ADGRD2: variants seen among roughly 807,000 people sequenced by gnomAD.
ADGRD2 encodes the protein adhesion G protein-coupled receptor D2, also known as G protein-coupled receptor PGR24.
ADGRD2 carries 71 observed loss-of-function variants against 44.4 expected under a neutral mutation model. That is an observed-to-expected ratio of 1.60 (90% confidence interval 1.32 to 1.95). The LOEUF is 1.95. ADGRD2 is among the 30% of genes most tolerant of loss of function. The pLI is 0.00. For missense variants in ADGRD2, 1,039 were observed against 512.4 expected, an observed-to-expected ratio of 2.03 and a Z score of -9.92; for synonymous variants, 481 against 224.8, an observed-to-expected ratio of 2.14 and a Z score of -10.19.
At chr9:124,476,732 T>A in intron 21 of ADGRD2, 23 bp downstream of exon 24, 1 of 695,162 alleles carries the variant, frequency 1.4e-6, no homozygotes, top group South Asian at 1.5e-5. Context: ...CCTCACGGGG[T>A]CCCCTCTTTT....
intron 20 of ADGRD2, 28 bp from the exon 24 acceptor site, chr9:124,476,651 A>G: frequency 1.4e-6 from 1 of 699,238 alleles, no homozygotes; most frequent in Non-Finnish European, 2.6e-6. Context: ...AGTGGGGGCC[A>G]CCCCCGTGAC....
chr9:124,457,540 G>A, exon 8 of ADGRD2: 1 of 689,640 alleles, frequency 1.5e-6, no homozygotes, highest in Non-Finnish European at 2.6e-6. Flanking sequence ...AATGCCTGGT[G>A]GGCGTCCAGA....
rs575892742 is a variant in ADGRD2, at chr9:124,453,687, C to T, written c.923+11C>T. 1.5e-6 allele frequency: 1 copy of T among 682,648 alleles called. No homozygotes were observed. The highest frequency in any genetic ancestry group is 2.1e-5 in the Admixed American group (1 of 47,404). 42.3% of individuals were successfully genotyped at this position (682,648 alleles called of 1,614,324 possible). On this transcript the variant is annotated intron_variant, in intron 3 of 21. Transcript: ENST00000334810. ...GCCTTCTCTGTCCCGGTACGACCCG[C>T]CCCGCCCCGGCCCCACCCCATGGCC...
chr9:124,461,294 G>A (rs1831718659), intron 10 of ADGRD2, among the ~76,000 whole-genome samples: 1 of 152,130 alleles, frequency 6.6e-6, no homozygotes, highest in African/African-American at 2.4e-5. Context: ...TTTTAATTGT[G>A]ATGAAGTCCA....
chr9:124,474,276 CAAAAAAAAAAA>C (rs397947760), intron 17 of ADGRD2, among the ~76,000 whole-genome samples: 2 of 80,646 alleles, frequency 2.5e-5, no homozygotes, highest in Middle Eastern at 8.2e-3. Flanking sequence ...AACTCTGTCT[CAAAAAAAAAAA>C]AAAAAAAAAA....
chr9:124,458,030 G>C, intron 8 of ADGRD2, 83 bp from the exon 12 acceptor site: 1 of 702,494 alleles, frequency 1.4e-6, no homozygotes, highest in Non-Finnish European at 2.7e-6. Flanking sequence ...TCTCTAGAGT[G>C]GGGAGAGCAT....
intron 17 of ADGRD2, among the ~76,000 whole-genome samples, chr9:124,474,721 C>A (rs936506955): frequency 6.6e-6 from 1 of 152,200 alleles, no homozygotes; most frequent in Non-Finnish European, 1.5e-5. Context: ...CACACTGGAG[C>A]TTAGGATCCA....
chr9:124,463,422 G>T lies in ADGRD2; in HGVS notation c.1871-2836G>T, dbSNP rs115328594. Among the ~76,000 whole-genome samples, 332 of 152,276 alleles carry T rather than the reference G, an allele frequency of 2.2e-3. 2 individuals are homozygous for T. The highest frequency in any genetic ancestry group is 7.9e-3 in the African/African-American group (327 of 41,564). ...TGAGGATTTTTATGTTTATGTTCATGAATAATGTGTTCTGTAGTTTCTTGT... is the reference window on the plus strand; with the variant it reads ...TGAGGATTTTTATGTTTATGTTCATTAATAATGTGTTCTGTAGTTTCTTGT... On this transcript the variant is annotated intron_variant, in intron 10 of 21. Coordinates refer to ENST00000334810, the Ensembl canonical transcript of ADGRD2.
intron 10 of ADGRD2, among the ~76,000 whole-genome samples, chr9:124,459,426 G>A (rs561472075): frequency 2.6e-5 from 4 of 152,104 alleles, no homozygotes; most frequent in South Asian, 2.1e-4. Flanking sequence ...CCCAGGAGGC[G>A]GAGGTTGTAG....
In ADGRD2 at chr9:124,452,740, G is replaced by C; in HGVS notation, c.281+18G>C. 1.4e-6 allele frequency: 1 copy of C among 703,162 alleles called. No individual in the cohort carries two copies. The highest frequency in any genetic ancestry group is 2.6e-6 in the Non-Finnish European group (1 of 379,428). 43.6% of individuals were successfully genotyped at this position (703,162 alleles called of 1,614,324 possible). A position where few individuals can be genotyped will look rare whatever the true frequency, so the allele number is the denominator to read the frequency against. ...ACAGAGGCGTGAGTGTGGGCCCCTG[G>C]GAAATGGGAGCAAGGGGCAGAGGCT... On this transcript the variant is annotated intron_variant, in intron 2 of 21. Coordinates refer to ENST00000334810, the Ensembl canonical transcript of ADGRD2.
chr9:124,472,723 G>T (rs928212068), intron 17 of ADGRD2, among the ~76,000 whole-genome samples: 1 of 152,124 alleles, frequency 6.6e-6, no homozygotes, highest in Non-Finnish European at 1.5e-5. Context: ...GCCCAGGTTG[G>T]TCTTGAACTC....
At chr9:124,458,652 C>T (rs1186260584) in exon 10 of ADGRD2, 2 of 718,752 alleles carry the variant, frequency 2.8e-6, no homozygotes, top group South Asian at 1.5e-5. Context: ...CCATCATCTC[C>T]TCTGAAGTGT....
exon 3 of ADGRD2, chr9:124,453,305 G>T: frequency 2.1e-6 from 1 of 483,906 alleles, no homozygotes; most frequent in African/African-American, 2.1e-5. Flanking sequence ...GCAGCCTTCC[G>T]CGCCGACGGC....
chr9:124,461,722 CTTTGT>C (rs754805089), intron 10 of ADGRD2, among the ~76,000 whole-genome samples: 8 of 81,396 alleles, frequency 9.8e-5, no homozygotes, highest in African/African-American at 1.5e-4. Flanking sequence ...TATCTTCCAA[CTTTGT>C]TTTTTTTTTT....
chr9:124,451,104 G>A (rs1336193115), upstream of ADGRD2: 1 of 472,160 alleles, frequency 2.1e-6, no homozygotes, highest in Non-Finnish European at 4.4e-6. Flanking sequence ...CAGGCAGGAG[G>A]GATGGCATGG....
chr9:124,477,093 C>G (rs545981414), intron 21 of ADGRD2: 27 of 507,788 alleles, frequency 5.3e-5, no homozygotes, highest in Admixed American at 5.3e-4. Context: ...CTGAAGGCCC[C>G]GGCCTGATGC....
At chr9:124,465,066 C>G (rs538527218) in intron 10 of ADGRD2, 1 of 152,616 alleles carries the variant, frequency 6.6e-6, no homozygotes, top group East Asian at 1.9e-4. Flanking sequence ...CCACACCATG[C>G]TGGAATGACA....
chr9:124,468,091 C>A (rs2131251279), exon 13 of ADGRD2: 1 of 718,502 alleles, frequency 1.4e-6, no homozygotes. Flanking sequence ...TCTCCAGGGT[C>A]CCCAAGTCAG....
chr9:124,469,486 C>A (rs76434769), exon 16 of ADGRD2: 1 of 718,130 alleles, frequency 1.4e-6, no homozygotes, highest in Non-Finnish European at 2.6e-6. Context: ...CAGTGCCCGC[C>A]GCCGTGCCCG....
Sources: gnomAD v4.1 joint callset for allele counts (sites outside exome capture counted in the v4.1 genomes callset) on GRCh38, gnomAD v4.1.1 for gene constraint, MANE v1.5 for transcripts, NCBI Gene and HGNC (gene_info 2026-07-23, HGNC 2026-07-21) for gene names.